Variants in FRAS1 observed in about 807,000 individuals in gnomAD.
FRAS1 encodes Fraser extracellular matrix complex subunit 1.
FRAS1 carries 290 observed loss-of-function variants against 435.2 expected under a neutral mutation model. That is an observed-to-expected ratio of 0.67 (90% CI 0.61 to 0.73). FRAS1 has a LOEUF of 0.73. Ranked by LOEUF, FRAS1 falls within the 30% of genes least tolerant of loss-of-function variation. The pLI, the probability that FRAS1 is intolerant of heterozygous loss-of-function variation, is 0.00. For synonymous variants in FRAS1, 1,800 were observed against 1,851.0 expected (o/e 0.97, Z 0.71); for missense variants, 4,860 against 5,001.5 (o/e 0.97, Z 0.85).
intron 25 of FRAS1, among the ~76,000 whole-genome samples, chr4:78,374,706 C>T (rs1473577433): frequency 6.6e-6 from 1 of 152,174 alleles, no homozygotes; most frequent in Non-Finnish European, 1.5e-5. Context: ...TCAAGTTGAA[C>T]CCCAAGTCTT....
At chr4:78,475,694 A>G (rs748744943) in intron 54 of FRAS1, 88 bp downstream of exon 54, 13 of 1,328,054 alleles carry the variant, frequency 9.8e-6, no homozygotes, top group African/African-American at 1.5e-5. Context: ...CTTCTTCCCA[A>G]CTTTGCTTTT....
Position 78,427,708 on chromosome 4 carries a change from A to G in FRAS1, c.4712-1387A>G, listed in dbSNP as rs576618748. ...AGAGCCATAAAACCTTCATTCTCACATGGATAATGTCGTCTTACCTTCAAT... is the reference window on the plus strand; with the variant it reads ...AGAGCCATAAAACCTTCATTCTCACGTGGATAATGTCGTCTTACCTTCAAT... On this transcript the variant is annotated intron_variant, in intron 35 of 73. Coordinates refer to ENST00000512123, the MANE Select transcript of FRAS1 (RefSeq NM_025074.7). Among the ~76,000 whole-genome samples, 4 of 152,374 alleles carry G rather than the reference A, an allele frequency of 2.6e-5. No homozygotes were observed. The East Asian group carries it at 5.8e-4, about 22-fold the overall frequency.
chr4:78,225,917 C>G (rs184897932), intron 2 of FRAS1, among the ~76,000 whole-genome samples: 1 of 152,164 alleles, frequency 6.6e-6, no homozygotes, highest in Non-Finnish European at 1.5e-5. Flanking sequence ...AGGTTTATAT[C>G]TACCTTACTA....
chr4:78,191,420 A>C (rs969048120), intron 2 of FRAS1, among the ~76,000 whole-genome samples: 1 of 152,132 alleles, frequency 6.6e-6, no homozygotes, highest in Non-Finnish European at 1.5e-5. Context: ...AATTATTGTT[A>C]TTTTATGAAT....
chr4:78,076,158 G>A (rs961923994), intron 2 of FRAS1, among the ~76,000 whole-genome samples: 4 of 152,118 alleles, frequency 2.6e-5, no homozygotes, highest in African/African-American at 9.7e-5. Context: ...TGGAGGGGGT[G>A]TGGGTGGCTC....
At chr4:78,312,421 A>G (rs781012431) in intron 15 of FRAS1, among the ~76,000 whole-genome samples, 2 of 151,756 alleles carry the variant, frequency 1.3e-5, no homozygotes, top group Non-Finnish European at 2.9e-5. Flanking sequence ...ATTAATTTCT[A>G]TGGCTTTGTA....
intron 32 of FRAS1, among the ~76,000 whole-genome samples, chr4:78,413,367 T>A (rs1022680688): frequency 6.6e-6 from 1 of 152,196 alleles, no homozygotes; most frequent in Non-Finnish European, 1.5e-5. Context: ...CCTTGAAAAT[T>A]TGGAGGAAAT....
Position 78,307,780 on chromosome 4 carries a change from G to A in FRAS1, c.1535-286G>A, listed in dbSNP as rs889701246. On this transcript the variant is annotated intron_variant, in intron 14 of 73. Coordinates refer to ENST00000512123, the MANE Select transcript of FRAS1 (RefSeq NM_025074.7). ...TGGCATTCCTTAGTGAGATCAACCC[G>A]GTACCTCAGATGGAAATGCAGAAAT... 3.2e-4 allele frequency among the ~76,000 whole-genome samples: 48 copies of A among 152,150 alleles called. 1 individual carries two copies. Among genetic ancestry groups the A allele is most frequent in the Non-Finnish European group, 4.0e-4 (27 of 68,032 alleles).
intron 2 of FRAS1, among the ~76,000 whole-genome samples, chr4:78,190,780 A>AC (rs1289190398): frequency 6.6e-6 from 1 of 152,190 alleles, no homozygotes; most frequent in Non-Finnish European, 1.5e-5. Flanking sequence ...TACTAGGCTG[A>AC]CAGTTTCAAG....
chr4:78,129,868 G>C (rs565066237), intron 2 of FRAS1, among the ~76,000 whole-genome samples: 19 of 151,872 alleles, frequency 1.3e-4, no homozygotes, highest in African/African-American at 4.6e-4. Context: ...CATTTTCTCA[G>C]CTCTCACTTC....
In FRAS1 at chr4:78,521,608, C is replaced by T. The variant is rs758492674; in HGVS notation, c.10626C>T (p.Phe3542=). 1 of 1,608,384 alleles carries T rather than the reference C, an allele frequency of 6.2e-7. No individual in the cohort carries two copies. The highest frequency in any genetic ancestry group is 2.2e-5 in the East Asian group (1 of 44,628). The part of the protein sequence containing the change: ...IREDGRLVIE[F]KTHAKFRGQF... ...AGGATGGCCGTCTTGTCATTGAATT[C>T]AAGACCCATGCCAAATTCAGAGGTA... The change falls in exon 68 of 74, where the codon TTC becomes TTT. Residue 3542 remains phenylalanine, a synonymous_variant. Transcript: ENST00000512123.
chr4:78,225,621 G>A (rs375442326), intron 2 of FRAS1, among the ~76,000 whole-genome samples: 4 of 152,138 alleles, frequency 2.6e-5, no homozygotes, highest in African/African-American at 7.2e-5. Flanking sequence ...GTAGTCTTCC[G>A]TATCTGGGTT....
At chr4:78,268,833 C>T (rs937951075) in intron 9 of FRAS1, among the ~76,000 whole-genome samples, 6 of 152,180 alleles carry the variant, frequency 3.9e-5, no homozygotes, top group Admixed American at 1.3e-4. Flanking sequence ...GATTAGCTGC[C>T]AAAGTGGAGA....
In FRAS1 at chr4:78,057,642, T is replaced by C. The variant is rs1578096101; in HGVS notation, c.-368T>C. The C allele has an allele frequency of 1.3e-5, 4 of 311,440 alleles. No homozygotes were observed. In the East Asian group the frequency reaches 2.4e-4, roughly 19 times the overall value. The allele number at this position is 311,440 out of a possible 1,614,324, so 19.3% of individuals were successfully genotyped here. A position where few individuals can be genotyped will look rare whatever the true frequency, so the allele number is the denominator to read the frequency against. ...TCGGGGACCCGGGATCGGAAGGGTC[T>C]AGCCCGAGGGAAATGCTGGAAGATC... On this transcript the variant is annotated 5_prime_UTR_variant, in exon 1 of 74. Coordinates refer to ENST00000512123, the MANE Select transcript of FRAS1 (RefSeq NM_025074.7). The surrounding 1 kb of genome is among the most constrained non-coding windows in gnomAD (Gnocchi z 4.2).
intron 20 of FRAS1, among the ~76,000 whole-genome samples, chr4:78,362,644 G>A (rs200898121): frequency 6.6e-6 from 1 of 152,216 alleles, no homozygotes; most frequent in African/African-American, 2.4e-5. Context: ...GGGTACTGGC[G>A]CTTGGTGGGT....
rs1014528391 is a variant in FRAS1 at position 78,438,609 on chromosome 4, A to C, written c.5257A>C (p.Asn1753His). 5 of 1,613,780 alleles carry C rather than the reference A, an allele frequency of 3.1e-6. No homozygotes were observed. The highest frequency in any genetic ancestry group is 1.7e-5 in the Admixed American group (1 of 60,002). ...CGACCCAGAGATCTGGATTCAGTTA[A>C]ATTATCTGCCCTCATATGGTACTCT... Reference protein sequence around the residue: ...SPDPEIWIQLNYLPSYGTLLR... With the variant: ...SPDPEIWIQLHYLPSYGTLLR... The change falls in exon 39 of 74, where the codon AAT (asparagine) becomes CAT (histidine). Residue 1753 changes from asparagine to histidine, a missense_variant. Physicochemically the swap from Asn to His is moderately conservative, Grantham distance 68. Transcript: ENST00000512123.
intron 26 of FRAS1, among the ~76,000 whole-genome samples, chr4:78,377,787 C>T (rs1023541816): frequency 1.3e-5 from 2 of 152,052 alleles, no homozygotes; most frequent in Non-Finnish European, 2.9e-5. Flanking sequence ...GCCAGCAGCC[C>T]GCTAGGATTA....
intron 60 of FRAS1, among the ~76,000 whole-genome samples, chr4:78,498,219 T>A (rs1720563540): frequency 6.6e-6 from 1 of 152,106 alleles, no homozygotes; most frequent in African/African-American, 2.4e-5. Flanking sequence ...AAAGTATAAT[T>A]TTAAAAAAGG....
intron 2 of FRAS1, among the ~76,000 whole-genome samples, chr4:78,162,594 T>C (rs1721186378): frequency 6.6e-6 from 1 of 152,196 alleles, no homozygotes; most frequent in Non-Finnish European, 1.5e-5. Context: ...ATCTCAGCTG[T>C]AGAGTTTTCA....
Sources: allele counts gnomAD v4.1 joint callset (sites outside exome capture counted in the v4.1 genomes callset), GRCh38; gene constraint gnomAD v4.1.1; non-coding constraint Gnocchi (gnomAD v3.1); transcripts MANE v1.5; gene names NCBI Gene and HGNC (gene_info 2026-07-23, HGNC 2026-07-21).